The following SAXO1 variants were observed in gnomAD, a reference collection of about 807,000 sequenced individuals.
SAXO1 encodes 4930500O09Rik.
Under a neutral mutation model 17.5 loss-of-function variants are expected in SAXO1, and 21 were observed. That is an observed-to-expected ratio of 1.20 (90% CI 0.85 to 1.72). SAXO1 has a LOEUF of 1.72. SAXO1 is among the 40% of genes most tolerant of loss of function. The pLI is 0.00. For missense variants in SAXO1, 843 were observed against 596.0 expected, an observed-to-expected ratio of 1.41 and a Z score of -4.32; for synonymous variants, 274 against 216.5, an observed-to-expected ratio of 1.27 and a Z score of -2.33.
intron 2 of SAXO1, among the ~76,000 whole-genome samples, chr9:18,945,015 G>C (rs1026232390): frequency 2.0e-5 from 3 of 152,110 alleles, no homozygotes; most frequent in African/African-American, 7.2e-5. Flanking sequence ...CTCATCTGCA[G>C]ACCATCTCCT....
At chr9:18,951,026 C>A in intron 1 of SAXO1, 89 bp from the exon 2 acceptor site, 1 of 1,317,176 alleles carries the variant, frequency 7.6e-7, no homozygotes, top group Non-Finnish European at 1.0e-6. Flanking sequence ...GTGACTCAGA[C>A]TGTAAAATCA....
Position 18,928,629 on chromosome 9 carries a change from A to G in SAXO1, c.848T>C (p.Met283Thr), listed in dbSNP as rs1309407451. 10 of 1,614,004 alleles carry G rather than the reference A, an allele frequency of 6.2e-6. No homozygotes were observed. In the African/African-American group the frequency reaches 1.3e-4, roughly 22 times the overall value. Reference sequence around the variant, plus strand: ...GGGAGCTTTGGAGAACATCCGGGGCATTGGCCAAGCTTGGTACTTATCTCG... The same window carrying G: ...GGGAGCTTTGGAGAACATCCGGGGCGTTGGCCAAGCTTGGTACTTATCTCG... ...EFRDKYQAWP[M>T]PRMFSKAPIT... The change falls in exon 4 of 4, where the codon ATG becomes ACG. Residue 283 changes from methionine to threonine, a missense_variant. Transcript: ENST00000380534.
rs180974369 is a variant in SAXO1, at chr9:19,020,319, C to T, written c.38+12552G>A. On this transcript the variant is annotated intron_variant, in intron 1 of 3. Transcript: ENST00000380534. The stretch of plus-strand genomic sequence containing the variant: ...TTGCTAAGTTCCAGTTTGTTTGGGG[C>T]CCAGCATTTCAGCCTGTCGAAATAA... 1.4e-3 allele frequency among the ~76,000 whole-genome samples: 219 copies of T among 151,972 alleles called. 3 individuals carry two copies. Among genetic ancestry groups the T allele is most frequent in the Non-Finnish European group, 2.4e-4 (16 of 68,004 alleles).
chr9:19,046,879 A>G (rs1025263513), intron 1 of SAXO1, among the ~76,000 whole-genome samples: 1 of 151,826 alleles, frequency 6.6e-6, no homozygotes, highest in Non-Finnish European at 1.5e-5. Flanking sequence ...AAATAAATTT[A>G]AAAAATTTTT....
At chr9:19,015,547 T>C (rs1449919228) in intron 1 of SAXO1, among the ~76,000 whole-genome samples, 4 of 152,140 alleles carry the variant, frequency 2.6e-5, no homozygotes, top group African/African-American at 9.7e-5. Context: ...TTTCACCACG[T>C]TGGCCAAGCT....
intron 3 of SAXO1, among the ~76,000 whole-genome samples, chr9:18,932,902 A>G (rs1247104379): frequency 1.2e-5 from 1 of 86,730 alleles, no homozygotes; most frequent in Non-Finnish European, 2.4e-5. Context: ...GAACTCATGT[A>G]TTAGTTCTGG....
intron 1 of SAXO1, among the ~76,000 whole-genome samples, chr9:18,975,171 G>C (rs1833090218): frequency 6.6e-6 from 1 of 152,228 alleles, no homozygotes; most frequent in Non-Finnish European, 1.5e-5. Flanking sequence ...CCATGCTGGA[G>C]TGACAGCATG....
At chr9:18,944,981 A>T (rs1203875752) in intron 2 of SAXO1, among the ~76,000 whole-genome samples, 1 of 151,134 alleles carries the variant, frequency 6.6e-6, no homozygotes, top group Non-Finnish European at 1.5e-5. Flanking sequence ...AACCTCTCTC[A>T]CCCCTGCCCT....
In SAXO1 at chr9:18,928,055, G is replaced by A; in HGVS notation, c.1422C>T (p.Ala474=). ...NPNQRELEVL[A] ...TCTAAATTACTATTTTTCAAAATCA[G>A]GCTAACACTTCCAACTCCCTCTGGT... is the stretch of plus-strand genomic sequence containing the variant. The change falls in exon 4 of 4, where the codon GCC becomes GCT. Residue 474 remains alanine, a synonymous_variant. Transcript: ENST00000380534. 1 of 1,582,918 alleles carries A rather than the reference G, an allele frequency of 6.3e-7. No homozygotes were observed. Among genetic ancestry groups the A allele is most frequent in the South Asian group, 1.1e-5 (1 of 88,000 alleles).
intron 1 of SAXO1, among the ~76,000 whole-genome samples, chr9:18,953,763 A>G (rs1213152245): frequency 5.9e-5 from 9 of 152,178 alleles, no homozygotes; most frequent in African/African-American, 1.7e-4. Flanking sequence ...AAGCTAGCCA[A>G]TATTATATAC....
chr9:19,009,713 C>G (rs771453263), intron 1 of SAXO1, among the ~76,000 whole-genome samples: 5 of 152,264 alleles, frequency 3.3e-5, no homozygotes, highest in Non-Finnish European at 5.9e-5. Flanking sequence ...TCCTGACCTG[C>G]TTACACTCTT....
rs1165552273 is a variant in SAXO1 at position 19,038,442 on chromosome 9, C to T, written c.-158+10767G>A. Among the ~76,000 whole-genome samples, 21 of 151,790 alleles carry T rather than the reference C, an allele frequency of 1.4e-4. No homozygotes were observed. In the South Asian group the frequency reaches 1.9e-3, roughly 14 times the overall value. ...CTATGCAGCCATAAAAAATGATGAG[C>T]TCATGTCCTTTGTAGGGACATGGAT... is the stretch of plus-strand genomic sequence containing the variant. On this transcript the variant is annotated intron_variant, in intron 1 of 3. Coordinates refer to the SAXO1 transcript ENST00000542071.
intron 1 of SAXO1, among the ~76,000 whole-genome samples, chr9:18,961,195 C>A (rs1832468160): frequency 6.7e-6 from 1 of 148,566 alleles, no homozygotes; most frequent in Non-Finnish European, 1.5e-5. Context: ...GGTGGGGGTT[C>A]TCGCTCTGTC....
chr9:19,027,990 C>G (rs184362805), intron 1 of SAXO1: 2 of 1,580,582 alleles, frequency 1.3e-6, no homozygotes, highest in Non-Finnish European at 8.7e-7. Flanking sequence ...ATGACTTCAA[C>G]GGGGCCCAGT....
chr9:18,938,437 GGACA>G (rs1831393578), intron 3 of SAXO1, among the ~76,000 whole-genome samples: 1 of 152,238 alleles, frequency 6.6e-6, no homozygotes, highest in African/African-American at 2.4e-5. Flanking sequence ...GGCAGGAGCA[GGACA>G]GAGAGCGCGA....
chr9:19,011,086 T>G (rs1450854231), intron 1 of SAXO1, among the ~76,000 whole-genome samples: 1 of 152,240 alleles, frequency 6.6e-6, no homozygotes, highest in Non-Finnish European at 1.5e-5. Context: ...TATGTAGATG[T>G]TTCAGTTGCA....
chr9:18,935,443 G>A (rs910328233), intron 3 of SAXO1, among the ~76,000 whole-genome samples: 6 of 152,150 alleles, frequency 3.9e-5, no homozygotes, highest in Non-Finnish European at 8.8e-5. Flanking sequence ...AACTAGGGAT[G>A]ATTAGGGATG....
chr9:19,046,938 G>C (rs1836230806), intron 1 of SAXO1, among the ~76,000 whole-genome samples: 1 of 152,214 alleles, frequency 6.6e-6, no homozygotes, highest in Non-Finnish European at 1.5e-5. Flanking sequence ...TGTAACCCCA[G>C]CACTTTGGGA....
intron 1 of SAXO1, among the ~76,000 whole-genome samples, chr9:18,954,069 A>G (rs1431866625): frequency 2.0e-5 from 3 of 152,184 alleles, no homozygotes; most frequent in South Asian, 4.1e-4. Flanking sequence ...GCTCAGGTAC[A>G]TCCACAGACA....
Sources: gnomAD v4.1 joint callset for allele counts (sites outside exome capture counted in the v4.1 genomes callset) on GRCh38, gnomAD v4.1.1 for gene constraint, MANE v1.5 for transcripts, NCBI Gene and HGNC (gene_info 2026-07-23, HGNC 2026-07-21) for gene names.